Variants in RPS6KC1 observed in about 807,000 individuals in gnomAD.
RPS6KC1 encodes inactive ribosomal protein S6 kinase delta-1.
A neutral mutation model predicts 103.8 loss-of-function variants in RPS6KC1; 54 were observed. The ratio of observed to expected loss-of-function variants is 0.52; its 90% CI spans 0.42 to 0.65. The LOEUF is 0.65. RPS6KC1 is among the 30% of genes least tolerant of loss of function. The pLI is 0.00. For synonymous variants in RPS6KC1, 439 were observed against 438.7 expected, an observed-to-expected ratio of 1.00 and a Z score of -0.01; for missense variants, 1,151 against 1,253.8, an observed-to-expected ratio of 0.92 and a Z score of 1.24.
At chr1:213,537,183 G>C in the RPS6KC1 span, among the ~76,000 whole-genome samples, 8 of 152,144 alleles carry the variant, frequency 5.3e-5, no homozygotes, top group African/African-American at 1.9e-4. Context: ...CGTGCTCCTT[G>C]CGATAGGCAG....
the RPS6KC1 span, among the ~76,000 whole-genome samples, chr1:213,517,712 T>A: frequency 6.6e-6 from 1 of 152,314 alleles, no homozygotes; most frequent in Admixed American, 6.5e-5. Context: ...TCTGTTGATT[T>A]GGGGTGGAAA....
chr1:213,603,217 G>T, the RPS6KC1 span, among the ~76,000 whole-genome samples: 1 of 152,246 alleles, frequency 6.6e-6, no homozygotes, highest in Non-Finnish European at 1.5e-5. Flanking sequence ...AGGGTTCAGA[G>T]CAGGGCTGCT....
At chr1:213,649,294 C>A in the RPS6KC1 span, among the ~76,000 whole-genome samples, 2,604 of 151,894 alleles carry the variant, frequency 0.017, 77 homozygotes, top group African/African-American at 0.059. Context: ...AATGTCTCTC[C>A]AGTAACTAAT....
At chr1:213,206,754 A>G (rs2093359873) in intron 8 of RPS6KC1, among the ~76,000 whole-genome samples, 1 of 152,144 alleles carries the variant, frequency 6.6e-6, no homozygotes, top group Non-Finnish European at 1.5e-5. Flanking sequence ...AAATTGGCCT[A>G]AATTACAATT....
At chr1:213,297,757 T>C in the RPS6KC1 span, among the ~76,000 whole-genome samples, 3 of 152,146 alleles carry the variant, frequency 2.0e-5, no homozygotes, top group African/African-American at 7.2e-5. Context: ...ACTACAGGCA[T>C]GTACCACCAC....
At chr1:213,633,851 A>C in the RPS6KC1 span, among the ~76,000 whole-genome samples, 8 of 124,784 alleles carry the variant, frequency 6.4e-5, no homozygotes, top group African/African-American at 2.5e-4. Flanking sequence ...GGATGGAGGA[A>C]GATCTGCCAA....
intron 8 of RPS6KC1, among the ~76,000 whole-genome samples, chr1:213,198,731 A>G (rs1418083475): frequency 6.6e-6 from 1 of 152,204 alleles, no homozygotes; most frequent in African/African-American, 2.4e-5. Context: ...CCAGGACCAG[A>G]TGGTTTTACT....
chr1:213,420,120 C>T, the RPS6KC1 span, among the ~76,000 whole-genome samples: 1 of 152,144 alleles, frequency 6.6e-6, no homozygotes, highest in Admixed American at 6.5e-5. Flanking sequence ...TTTGCAAAGC[C>T]CTCTGCTTAA....
the RPS6KC1 span, among the ~76,000 whole-genome samples, chr1:213,670,085 G>A: frequency 6.6e-6 from 1 of 152,208 alleles, no homozygotes; most frequent in South Asian, 2.1e-4. Context: ...GCAAAATGAA[G>A]CAGGTATTAT....
At chr1:213,742,092 C>T in the RPS6KC1 span, among the ~76,000 whole-genome samples, 2 of 152,182 alleles carry the variant, frequency 1.3e-5, no homozygotes, top group Non-Finnish European at 2.9e-5. Context: ...GATCAAAGGA[C>T]TGTTGCTTTT....
the RPS6KC1 span, among the ~76,000 whole-genome samples, chr1:213,719,556 C>CT: frequency 5.8e-5 from 8 of 138,406 alleles, no homozygotes; most frequent in African/African-American, 1.5e-4. Context: ...TTTCTTAGTT[C>CT]GTTTTTTTTA....
At chr1:213,621,624 ACCTCT>A in the RPS6KC1 span, among the ~76,000 whole-genome samples, 3 of 152,190 alleles carry the variant, frequency 2.0e-5, no homozygotes. Flanking sequence ...GTTTAGACTG[ACCTCT>A]GTTCAGAGGG....
chr1:213,446,190 G>A, the RPS6KC1 span, among the ~76,000 whole-genome samples: 1 of 152,124 alleles, frequency 6.6e-6, no homozygotes, highest in African/African-American at 2.4e-5. Context: ...TCTTCCCCAC[G>A]AGGGTGTCCA....
chr1:213,493,185 G>T, the RPS6KC1 span, among the ~76,000 whole-genome samples: 6 of 152,170 alleles, frequency 3.9e-5, no homozygotes, highest in Admixed American at 3.3e-4. Flanking sequence ...AATGAAATTA[G>T]TGGCAGTTTG....
At chr1:213,290,144 CAAAAAA>C in the RPS6KC1 span, among the ~76,000 whole-genome samples, 3 of 70,096 alleles carry the variant, frequency 4.3e-5, no homozygotes, top group African/African-American at 5.8e-5. Flanking sequence ...GACTCCGTCT[CAAAAAA>C]AAAAAAAAAA....
chr1:213,830,230 G>A, the RPS6KC1 span, among the ~76,000 whole-genome samples: 14 of 152,094 alleles, frequency 9.2e-5, no homozygotes, highest in Admixed American at 7.9e-4. Context: ...CGAAGAACTT[G>A]GCTAATGTAT....
chr1:213,777,480 A>G, the RPS6KC1 span, among the ~76,000 whole-genome samples: 1 of 152,200 alleles, frequency 6.6e-6, no homozygotes, highest in African/African-American at 2.4e-5. Flanking sequence ...TTGCTGTCTT[A>G]TGAGTGGGTT....
At chr1:213,597,331 G>C in the RPS6KC1 span, among the ~76,000 whole-genome samples, 2 of 152,204 alleles carry the variant, frequency 1.3e-5, no homozygotes, top group Non-Finnish European at 2.9e-5. Context: ...TTGGTGTGCA[G>C]GGGCGAGGCG....
At chr1:213,632,156 C>A in the RPS6KC1 span, among the ~76,000 whole-genome samples, 2 of 152,264 alleles carry the variant, frequency 1.3e-5, no homozygotes, top group South Asian at 2.1e-4. Context: ...ATTCACTCAC[C>A]CAATGAAGGA....
Sources: allele counts gnomAD v4.1 joint callset (sites outside exome capture counted in the v4.1 genomes callset), GRCh38; gene constraint gnomAD v4.1.1; transcripts MANE v1.5; gene names NCBI Gene and HGNC (gene_info 2026-07-23, HGNC 2026-07-21).